Variants in GABRB2 observed in about 807,000 individuals in gnomAD.
GABRB2 encodes the protein gamma-aminobutyric acid receptor subunit beta-2.
In GABRB2, 16 loss-of-function variants were observed where a neutral mutation model predicts 54.7. The observed-to-expected ratio is 0.29, with a 90% CI of 0.20 to 0.44. The LOEUF is 0.44. Ranked by LOEUF, GABRB2 falls within the 20% of genes least tolerant of loss-of-function variation. The probability of loss-of-function intolerance (pLI) is 1.00; values close to 1 mark genes in which losing one functional copy is unlikely to be tolerated. For synonymous variants in GABRB2, 244 were observed against 233.8 expected (o/e 1.04, Z -0.40); for missense variants, 355 against 644.0 (o/e 0.55, Z 4.86).
At chr5:161,449,888 C>T (rs79210364) in intron 4 of GABRB2, among the ~76,000 whole-genome samples, 2 of 151,908 alleles carry the variant, frequency 1.3e-5, no homozygotes, top group African/African-American at 2.4e-5. Flanking sequence ...TCCACGTTCA[C>T]AGTATTCTGG....
Position 161,424,011 on chromosome 5 carries a change from C to T in GABRB2, c.459-12954G>A, listed in dbSNP as rs140134684. 4.5e-4 allele frequency among the ~76,000 whole-genome samples: 68 copies of T among 152,160 alleles called. 2 individuals are homozygous for T. The East Asian group carries it at 0.013, about 29-fold the overall frequency. On this transcript the variant is annotated intron_variant, in intron 4 of 9. Transcript: ENST00000393959. Reference sequence around the variant, plus strand: ...AATTCCCTTAAGCTGAAGCCTAATCCAGAGAAAAGCTCTAAATCTCTTTAA... The same window carrying T: ...AATTCCCTTAAGCTGAAGCCTAATCTAGAGAAAAGCTCTAAATCTCTTTAA...
chr5:161,417,204 G>A (rs149687660), intron 4 of GABRB2, among the ~76,000 whole-genome samples: 1 of 152,230 alleles, frequency 6.6e-6, no homozygotes, highest in African/African-American at 2.4e-5. Context: ...CTTATGTTTT[G>A]TAGAACAGGT....
intron 4 of GABRB2, among the ~76,000 whole-genome samples, chr5:161,413,765 A>G (rs1756587538): frequency 6.6e-6 from 1 of 152,196 alleles, no homozygotes; most frequent in Non-Finnish European, 1.5e-5. Flanking sequence ...AATGAACACA[A>G]AAGATATGAA....
intron 4 of GABRB2, among the ~76,000 whole-genome samples, chr5:161,457,881 C>T (rs892367202): frequency 7.9e-5 from 12 of 152,054 alleles, no homozygotes. Context: ...ATTGGGTATA[C>T]AAAGGAGAAT....
chr5:161,531,112 A>G (rs1459248299), intron 3 of GABRB2, among the ~76,000 whole-genome samples: 1 of 152,112 alleles, frequency 6.6e-6, no homozygotes, highest in Non-Finnish European at 1.5e-5. Context: ...TGTTTTTTGG[A>G]GTATGGTGGC....
At position 161,454,048 on chromosome 5, in the gene GABRB2, A is replaced by AT. The variant is rs1461423375; in HGVS notation, c.458+5575_458+5576insA. 1.5e-3 allele frequency among the ~76,000 whole-genome samples: 227 copies of AT among 150,660 alleles called. 3 individuals carry two copies. Among genetic ancestry groups the AT allele is most frequent in the East Asian group, 0.011 (56 of 5,154 alleles). On this transcript the variant is annotated intron_variant, in intron 4 of 9. Transcript: ENST00000393959. ...GTGAGATTCCAAAAAAAAAAAAAAAAGCACTATTCATAACTTAATTATTCC... is the reference window on the plus strand; with the variant it reads ...GTGAGATTCCAAAAAAAAAAAAAAAATGCACTATTCATAACTTAATTATTCC...
intron 3 of GABRB2, among the ~76,000 whole-genome samples, chr5:161,542,293 T>C (rs527685397): frequency 6.6e-6 from 1 of 152,146 alleles, no homozygotes; most frequent in Non-Finnish European, 1.5e-5. Flanking sequence ...AGTGAACACA[T>C]GCTACTAGAG....
intron 3 of GABRB2, among the ~76,000 whole-genome samples, chr5:161,536,790 G>T (rs935289371): frequency 6.6e-6 from 1 of 152,082 alleles, no homozygotes; most frequent in African/African-American, 2.4e-5. Flanking sequence ...TAGAGACGGG[G>T]TTTTGTAATG....
intron 9 of GABRB2, among the ~76,000 whole-genome samples, chr5:161,295,664 A>G (rs902572307): frequency 1.3e-5 from 2 of 152,224 alleles, no homozygotes; most frequent in Admixed American, 1.3e-4. Flanking sequence ...AAGATTATAT[A>G]TTAACAATTA....
At chr5:161,300,594 G>C (rs913842467) in intron 9 of GABRB2, among the ~76,000 whole-genome samples, 3 of 152,162 alleles carry the variant, frequency 2.0e-5, no homozygotes, top group Non-Finnish European at 4.4e-5. Flanking sequence ...CTCAGGTAGT[G>C]GTTTGGTGAG....
At chr5:161,536,581 T>C (rs557347755) in intron 3 of GABRB2, among the ~76,000 whole-genome samples, 2 of 152,262 alleles carry the variant, frequency 1.3e-5, no homozygotes, top group Admixed American at 1.3e-4. Flanking sequence ...ATCTTCAACC[T>C]ACTCCTTTCT....
chr5:161,354,939 C>T (rs1754571536), intron 5 of GABRB2, among the ~76,000 whole-genome samples: 1 of 151,768 alleles, frequency 6.6e-6, no homozygotes, highest in South Asian at 2.1e-4. Flanking sequence ...CTATACTGGC[C>T]CTCTCTTTTC....
intron 9 of GABRB2, among the ~76,000 whole-genome samples, chr5:161,311,352 C>T (rs1425171025): frequency 6.6e-6 from 1 of 152,110 alleles, no homozygotes; most frequent in Non-Finnish European, 1.5e-5. Context: ...TATTTTAAAA[C>T]AGCTTCACAC....
rs12523641 is a variant in GABRB2, at chr5:161,292,237, G to A, written c.*1844C>T. 0.12 allele frequency: 18,577 copies of A among 152,110 alleles called. 1,413 individuals are homozygous for A. Among genetic ancestry groups the A allele is most frequent in the Admixed American group, 0.22 (3,293 of 15,278 alleles). The allele number at this position is 152,110 out of a possible 1,614,324, so 9.4% of individuals were successfully genotyped here. ...GCTGCTAAATCATGAAGGAAACAAG[G>A]AATCAAGAAAACATACATTATTCAC... On this transcript the variant is annotated 3_prime_UTR_variant, in exon 10 of 10. Transcript: ENST00000393959.
chr5:161,340,454 T>G (rs534177198), intron 5 of GABRB2, among the ~76,000 whole-genome samples: 4 of 152,048 alleles, frequency 2.6e-5, no homozygotes, highest in African/African-American at 9.7e-5. Context: ...CTTACCATAG[T>G]GCTGGCACAC....
At chr5:161,382,373 C>T (rs1755496672) in intron 5 of GABRB2, among the ~76,000 whole-genome samples, 1 of 152,116 alleles carries the variant, frequency 6.6e-6, no homozygotes, top group East Asian at 1.9e-4. Flanking sequence ...GAAGCTTCTC[C>T]CTGTTTCCTA....
At chr5:161,336,846 A>G (rs1179827927) in intron 5 of GABRB2, 77 bp from the exon 6 acceptor site, 1 of 1,466,000 alleles carries the variant, frequency 6.8e-7, no homozygotes, top group African/African-American at 1.4e-5. Context: ...ACAGAAAAAA[A>G]TACCTGTTTA....
intron 5 of GABRB2, among the ~76,000 whole-genome samples, chr5:161,393,682 A>G (rs1290138946): frequency 6.6e-6 from 1 of 152,160 alleles, no homozygotes; most frequent in African/African-American, 2.4e-5. Flanking sequence ...TCATTATGAT[A>G]AATGAGAAAA....
At chr5:161,331,284 T>C in intron 7 of GABRB2, among the ~76,000 whole-genome samples, 157 bp from the exon 8 acceptor site, 1 of 152,250 alleles carries the variant, frequency 6.6e-6, no homozygotes, top group South Asian at 2.1e-4. Flanking sequence ...GGATAGGGAA[T>C]GGATATAGGT....
Sources: gnomAD v4.1 joint callset for allele counts (sites outside exome capture counted in the v4.1 genomes callset) on GRCh38, gnomAD v4.1.1 for gene constraint, MANE v1.5 for transcripts, NCBI Gene and HGNC (gene_info 2026-07-23, HGNC 2026-07-21) for gene names.